Variants in CADM1 observed in about 807,000 individuals in gnomAD.
The protein encoded by CADM1 is TSLC-1.
Under a neutral mutation model 53.1 loss-of-function variants are expected in CADM1, and 15 were observed. The ratio of observed to expected loss-of-function variants is 0.28; its 90% CI spans 0.19 to 0.44. The LOEUF (loss-of-function observed/expected upper bound fraction) is 0.44. Among genes scored for constraint, CADM1 ranks in the 20% least tolerant of loss-of-function variants. CADM1 has a pLI of 1.00. For synonymous variants in CADM1, 281 were observed against 243.0 expected (o/e 1.16, Z -1.45); for missense variants, 434 against 611.3 (o/e 0.71, Z 3.06).
chr11:115,470,795 C>A (rs1363368372), intron 1 of CADM1, among the ~76,000 whole-genome samples: 2 of 152,112 alleles, frequency 1.3e-5, no homozygotes, highest in African/African-American at 4.8e-5. Flanking sequence ...ACATTACCTA[C>A]CAAATCTCAC....
chr11:115,189,049 C>A (rs1422655707), intron 10 of CADM1, among the ~76,000 whole-genome samples: 1 of 152,164 alleles, frequency 6.6e-6, no homozygotes, highest in Non-Finnish European at 1.5e-5. Context: ...GCAGCCCGGC[C>A]CAGCCTGATA....
At chr11:115,493,278 TA>T (rs536260260) in intron 1 of CADM1, among the ~76,000 whole-genome samples, 413 of 122,434 alleles carry the variant, frequency 3.4e-3, no homozygotes, top group Middle Eastern at 4.1e-3. Flanking sequence ...TGTAATTTTC[TA>T]AAAAAAAAAA....
chr11:115,278,197 C>T (rs1332434157), intron 1 of CADM1, among the ~76,000 whole-genome samples: 2 of 152,036 alleles, frequency 1.3e-5, no homozygotes, highest in African/African-American at 4.8e-5. Context: ...TAATAATACC[C>T]GCCCTGTGAA....
chr11:115,309,691 C>G (rs768834538), intron 1 of CADM1, among the ~76,000 whole-genome samples: 1 of 152,064 alleles, frequency 6.6e-6, no homozygotes, highest in Non-Finnish European at 1.5e-5. Flanking sequence ...AAGGGCCAGC[C>G]GTGAGATGTT....
Position 115,350,624 on chromosome 11 carries a change from G to A in CADM1, c.125-110204C>T, listed in dbSNP as rs1591735761. 2.1e-5 allele frequency among the ~76,000 whole-genome samples: 3 copies of A among 140,302 alleles called. No individual in the cohort carries two copies. In the South Asian group the frequency reaches 6.6e-4, roughly 31 times the overall value. The allele number at this position is 140,302 out of a possible 152,430, so 92.0% of individuals were successfully genotyped here. On this transcript the variant is annotated intron_variant, in intron 1 of 11. Coordinates refer to ENST00000331581, the MANE Select transcript of CADM1 (RefSeq NM_001301043.2). ...TAGCTGGCTAATTTATTCTGAGTTT[G>A]TCCCATACTAACTAAAAAAAAAAAT...
At chr11:115,395,939 C>T (rs977332444) in intron 1 of CADM1, among the ~76,000 whole-genome samples, 1 of 152,142 alleles carries the variant, frequency 6.6e-6, no homozygotes, top group African/African-American at 2.4e-5. Context: ...ACATGCATTC[C>T]ATTTGTACCA....
At chr11:115,219,784 G>A (rs73572143) in intron 5 of CADM1, among the ~76,000 whole-genome samples, 1,637 of 152,234 alleles carry the variant, frequency 0.011, 26 homozygotes, top group African/African-American at 0.035. Flanking sequence ...CATCAGGTGT[G>A]GGTTTATTGT....
intron 1 of CADM1, among the ~76,000 whole-genome samples, chr11:115,465,037 A>T (rs1308784922): frequency 6.6e-6 from 1 of 152,198 alleles, no homozygotes; most frequent in Admixed American, 6.5e-5. Context: ...ACAACCACTT[A>T]TCTGGGCATC....
At chr11:115,498,047 CTT>C (rs1949659753) in intron 1 of CADM1, among the ~76,000 whole-genome samples, 1 of 149,046 alleles carries the variant, frequency 6.7e-6, no homozygotes, top group Non-Finnish European at 1.5e-5. Context: ...AAACCAAAGA[CTT>C]TTTGAAATTA....
rs747178154 is a variant in CADM1, at chr11:115,198,447, G to A, written c.1079-9C>T. 5 of 1,594,608 alleles carry A rather than the reference G, an allele frequency of 3.1e-6. No homozygotes were observed. The highest frequency in any genetic ancestry group is 2.2e-5 in the South Asian group (2 of 90,038). ...TGTCGTCGCCGTTGTGTCTACAGAC[G>A]GGAACAGAGGATTGGAGGAAGGGAA... On this transcript the variant is annotated splice_polypyrimidine_tract_variant and intron_variant, in intron 8 of 11. Transcript: ENST00000331581.
rs1009323820 is a variant in CADM1 at position 115,482,378 on chromosome 11, A to C, written c.124+21893T>G. ...TTCCTTGATGGAAGAGAGCCTATAT[A>C]ATTCATCTTTGTAAACCTAGTGCTT... On this transcript the variant is annotated intron_variant, in intron 1 of 11. Coordinates refer to ENST00000331581, the MANE Select transcript of CADM1 (RefSeq NM_001301043.2). 2.0e-5 allele frequency among the ~76,000 whole-genome samples: 3 copies of C among 152,194 alleles called. No individual in the cohort carries two copies. In the South Asian group the frequency reaches 6.2e-4, roughly 32 times the overall value.
At chr11:115,377,318 A>C (rs760445489) in intron 1 of CADM1, 5 of 152,176 alleles carry the variant, frequency 3.3e-5, no homozygotes, top group South Asian at 2.1e-4. Flanking sequence ...GGGAGGAAGG[A>C]AACAGCAGAA....
intron 9 of CADM1, among the ~76,000 whole-genome samples, chr11:115,194,493 C>A (rs971707830): frequency 4.6e-5 from 7 of 152,148 alleles, no homozygotes. Context: ...AATTATTCTT[C>A]AGAGGGGTTT....
At chr11:115,289,992 T>C (rs112974273) in intron 1 of CADM1, among the ~76,000 whole-genome samples, 268 of 152,366 alleles carry the variant, frequency 1.8e-3, no homozygotes, top group African/African-American at 6.0e-3. Context: ...TAGAGCCTCC[T>C]ACAAAGGTAT....
chr11:115,381,256 T>C (rs1436840924), intron 1 of CADM1, among the ~76,000 whole-genome samples: 1 of 149,132 alleles, frequency 6.7e-6, no homozygotes, highest in Non-Finnish European at 1.5e-5. Flanking sequence ...ATGGCGCCAC[T>C]GCACTGTAGC....
rs894426628 is a variant in CADM1 at position 115,339,109 on chromosome 11, T to C, written c.125-98689A>G. ...CCCTTCCTGTGTCCAAGTGATCTCA[T>C]TGTTCAATTCCCACCTATGAGTGAG... On this transcript the variant is annotated intron_variant, in intron 1 of 11. Transcript: ENST00000331581. 1.0e-4 allele frequency among the ~76,000 whole-genome samples: 14 copies of C among 134,966 alleles called. No homozygotes were observed. In the East Asian group the frequency reaches 2.7e-3, roughly 26 times the overall value. 88.5% of individuals were successfully genotyped at this position (134,966 alleles called of 152,430 possible). A position where few individuals can be genotyped will look rare whatever the true frequency, so the allele number is the denominator to read the frequency against.
At chr11:115,292,403 T>C (rs186257150) in intron 1 of CADM1, among the ~76,000 whole-genome samples, 97 of 152,302 alleles carry the variant, frequency 6.4e-4, no homozygotes, top group African/African-American at 2.2e-3. Flanking sequence ...ATGATTTCAA[T>C]GGAAAACAAA....
chr11:115,420,175 C>T (rs1947717643), intron 1 of CADM1, among the ~76,000 whole-genome samples: 1 of 152,176 alleles, frequency 6.6e-6, no homozygotes, highest in Admixed American at 6.5e-5. Context: ...AAACATACCA[C>T]TGGTTAAGAA....
At chr11:115,216,354 G>A (rs781469057) in intron 6 of CADM1, among the ~76,000 whole-genome samples, 6 of 152,152 alleles carry the variant, frequency 3.9e-5, no homozygotes, top group East Asian at 1.9e-4. Flanking sequence ...TCAATTGAAC[G>A]AAGTACCTTC....
Sources: gnomAD v4.1 joint callset for allele counts (sites outside exome capture counted in the v4.1 genomes callset) on GRCh38, gnomAD v4.1.1 for gene constraint, MANE v1.5 for transcripts, NCBI Gene and HGNC (gene_info 2026-07-23, HGNC 2026-07-21) for gene names.